The following KIAA1217 variants were observed in gnomAD, a reference collection of about 807,000 sequenced individuals.
KIAA1217 encodes the protein KIAA1217, also known as sickle tail protein homolog.
A neutral mutation model predicts 163.9 loss-of-function variants in KIAA1217; 88 were observed. The ratio of observed to expected loss-of-function variants is 0.54; its 90% CI spans 0.45 to 0.64. The LOEUF is 0.64. Ranked by LOEUF, KIAA1217 falls within the 30% of genes least tolerant of loss-of-function variation. KIAA1217 has a pLI of 0.00. For missense variants in KIAA1217, 2,372 were observed against 2,475.0 expected, an observed-to-expected ratio of 0.96 and a Z score of 0.88; for synonymous variants, 903 against 923.1, an observed-to-expected ratio of 0.98 and a Z score of 0.39.
chr10:24,166,311 T>C (rs146559149), intron 2 of KIAA1217, among the ~76,000 whole-genome samples: 4 of 152,172 alleles, frequency 2.6e-5, no homozygotes, highest in African/African-American at 9.6e-5. Context: ...TAAAAGAAAA[T>C]GCACTGAAAT....
Position 24,495,175 on chromosome 10 carries a change from A to C in KIAA1217, c.1813A>C (p.Arg605=). 1 of 1,613,558 alleles carries C rather than the reference A, an allele frequency of 6.2e-7. No homozygotes were observed. Among genetic ancestry groups the C allele is most frequent in the Non-Finnish European group, 8.5e-7 (1 of 1,179,838 alleles). ...GAAAATGATGAAAACCACAGCCAAC[A>C]GGAACCACACAGATAGTGCAGGTAA... ...SEKMMKTTAN[R]NHTDSAGTPH... Residue 605 remains arginine (R), a synonymous_variant, in exon 8 of 21, where the codon AGG becomes CGG. Coordinates refer to ENST00000376454, the MANE Select transcript of KIAA1217 (RefSeq NM_019590.5).
At chr10:23,961,386 G>A (rs1844814773) in intron 1 of KIAA1217, among the ~76,000 whole-genome samples, 1 of 152,140 alleles carries the variant, frequency 6.6e-6, no homozygotes, top group African/African-American at 2.4e-5. Flanking sequence ...CATGCGTGGG[G>A]AGCAGGTTGA....
intron 15 of KIAA1217, among the ~76,000 whole-genome samples, chr10:24,532,423 A>G (rs762914204): frequency 3.3e-5 from 5 of 152,194 alleles, no homozygotes; most frequent in Non-Finnish European, 5.9e-5. Context: ...GTAAAACACA[A>G]TTTCCAAAGA....
At chr10:24,081,798 T>C (rs1221634521) in intron 2 of KIAA1217, among the ~76,000 whole-genome samples, 1 of 152,224 alleles carries the variant, frequency 6.6e-6, no homozygotes, top group Non-Finnish European at 1.5e-5. Flanking sequence ...GGGCCACATG[T>C]GGCCTGGGGA....
intron 2 of KIAA1217, among the ~76,000 whole-genome samples, chr10:24,240,617 T>G (rs2072955084): frequency 6.6e-6 from 1 of 152,166 alleles, no homozygotes; most frequent in African/African-American, 2.4e-5. Flanking sequence ...GGAAAGTAAA[T>G]TCATGTCCTT....
intron 1 of KIAA1217, among the ~76,000 whole-genome samples, chr10:23,806,152 G>C (rs777137901): frequency 9.9e-5 from 15 of 152,034 alleles, no homozygotes; most frequent in Non-Finnish European, 2.1e-4. Flanking sequence ...CTTAGATATT[G>C]AGGGATGTGT....
intron 2 of KIAA1217, among the ~76,000 whole-genome samples, chr10:24,171,411 G>A (rs944033640): frequency 6.6e-6 from 1 of 152,198 alleles, no homozygotes; most frequent in Admixed American, 6.5e-5. Flanking sequence ...TGATCCTAAT[G>A]AAAAACATTG....
intron 2 of KIAA1217, among the ~76,000 whole-genome samples, chr10:24,037,531 T>A (rs1848446967): frequency 6.6e-6 from 1 of 152,018 alleles, no homozygotes; most frequent in African/African-American, 2.4e-5. Flanking sequence ...AGCCCACGAA[T>A]TCAAAGTAAA....
chr10:24,540,061 C>T (rs990826501), intron 17 of KIAA1217, among the ~76,000 whole-genome samples: 1 of 152,162 alleles, frequency 6.6e-6, no homozygotes, highest in Admixed American at 6.6e-5. Flanking sequence ...ACAATTATGA[C>T]CAAGCTCCTG....
chr10:24,364,225 C>T (rs995701303), intron 2 of KIAA1217, among the ~76,000 whole-genome samples: 80 of 147,346 alleles, frequency 5.4e-4, no homozygotes, highest in African/African-American at 1.8e-3. Context: ...GTGATCCACC[C>T]GCCTCAGCCT....
chr10:24,094,310 C>T (rs1278792220), intron 2 of KIAA1217, among the ~76,000 whole-genome samples: 4 of 152,194 alleles, frequency 2.6e-5, no homozygotes, highest in Non-Finnish European at 5.9e-5. Flanking sequence ...TCTCCAGCAC[C>T]TGTTGTTTCC....
intron 2 of KIAA1217, among the ~76,000 whole-genome samples, chr10:24,033,064 A>C (rs1033282212): frequency 6.6e-6 from 1 of 152,210 alleles, no homozygotes; most frequent in Non-Finnish European, 1.5e-5. Context: ...ATAAAAACCC[A>C]AAAAAGTTCC....
rs966840956 is a variant in KIAA1217 at position 23,819,746 on chromosome 10, G to A, written c.-321+124512G>A. On this transcript the variant is annotated intron_variant, in intron 1 of 18. Coordinates refer to the KIAA1217 transcript ENST00000376462. ...TTGGTGATTTGAAACTTTTTGTGTCGTAACATTGAATTTTTGAACCAGATT... is the reference window on the plus strand; with the variant it reads ...TTGGTGATTTGAAACTTTTTGTGTCATAACATTGAATTTTTGAACCAGATT... Among the ~76,000 whole-genome samples, 6 of 152,226 alleles carry A rather than the reference G, an allele frequency of 3.9e-5. No homozygotes were observed. The South Asian group carries it at 6.2e-4, about 16-fold the overall frequency.
intron 1 of KIAA1217, among the ~76,000 whole-genome samples, chr10:23,964,078 A>AT: frequency 6.6e-6 from 1 of 151,252 alleles, no homozygotes; most frequent in South Asian, 2.1e-4. Context: ...TTTCTTTTGT[A>AT]TTTTTAATAG....
At chr10:23,929,823 T>C (rs1313715225) in intron 1 of KIAA1217, among the ~76,000 whole-genome samples, 3 of 152,206 alleles carry the variant, frequency 2.0e-5, no homozygotes, top group Non-Finnish European at 2.9e-5. Context: ...ATATACCCAG[T>C]GATGGGGTTG....
At chr10:24,327,739 A>C (rs2045114331) in intron 2 of KIAA1217, among the ~76,000 whole-genome samples, 1 of 152,104 alleles carries the variant, frequency 6.6e-6, no homozygotes, top group African/African-American at 2.4e-5. Flanking sequence ...TGGCCTCCCA[A>C]AGTGCTGGGA....
chr10:23,817,982 T>TACAC (rs1456846415), intron 1 of KIAA1217, among the ~76,000 whole-genome samples: 2 of 112,416 alleles, frequency 1.8e-5, no homozygotes, highest in African/African-American at 7.6e-5. Flanking sequence ...TATATATATA[T>TACAC]ATATATATAT....
intron 1 of KIAA1217, among the ~76,000 whole-genome samples, chr10:23,994,995 A>G (rs1392623528): frequency 1.3e-5 from 2 of 152,240 alleles, no homozygotes; most frequent in Non-Finnish European, 2.9e-5. Flanking sequence ...TAAAATAAAA[A>G]TTAAAAAAAC....
intron 2 of KIAA1217, among the ~76,000 whole-genome samples, chr10:24,323,787 TCGTGTGTG>T (rs1178673447): frequency 9.4e-6 from 1 of 106,456 alleles, no homozygotes; most frequent in Non-Finnish European, 1.9e-5. Flanking sequence ...TGTTTTCTCT[TCGTGTGTG>T]TGTGTGTGTG....
Sources: allele counts gnomAD v4.1 joint callset (sites outside exome capture counted in the v4.1 genomes callset), GRCh38; gene constraint gnomAD v4.1.1; transcripts MANE v1.5; gene names NCBI Gene and HGNC (gene_info 2026-07-23, HGNC 2026-07-21).